Variants in RAPH1 observed in about 807,000 individuals in gnomAD.
The protein encoded by RAPH1 is ras-associated and pleckstrin homology domains-containing protein 1.
A neutral mutation model predicts 88.1 loss-of-function variants in RAPH1; 18 were observed. The observed-to-expected ratio is 0.20, with a 90% CI of 0.14 to 0.30. RAPH1 has a LOEUF of 0.30. Among genes scored for constraint, RAPH1 ranks in the 10% least tolerant of loss-of-function variants. The pLI, the probability that RAPH1 is intolerant of heterozygous loss-of-function variation, is 1.00. For synonymous variants in RAPH1, 587 were observed against 559.0 expected (o/e 1.05, Z -0.71); for missense variants, 1,448 against 1,543.2 (o/e 0.94, Z 1.03).
intron 7 of RAPH1, among the ~76,000 whole-genome samples, 158 bp from the exon 8 acceptor site, chr2:203,457,753 G>A (rs1297433948): frequency 6.6e-6 from 1 of 152,182 alleles, no homozygotes; most frequent in South Asian, 2.1e-4. Context: ...AATAAACTTT[G>A]AAAAGTTACC....
At chr2:203,523,336 T>C (rs1011665156) in intron 1 of RAPH1, among the ~76,000 whole-genome samples, 3 of 148,498 alleles carry the variant, frequency 2.0e-5, no homozygotes, top group Admixed American at 6.8e-5. Context: ...GAGCTTGCAG[T>C]GAGCTGAGAT....
intron 12 of RAPH1, 50 bp from the exon 13 acceptor site, chr2:203,445,060 A>C: frequency 6.5e-7 from 1 of 1,545,718 alleles, no homozygotes; most frequent in South Asian, 1.2e-5. Context: ...CAGTATTCTG[A>C]CAATATTCAT....
At chr2:203,466,434 T>C (rs965526007) in intron 4 of RAPH1, among the ~76,000 whole-genome samples, 4 of 152,230 alleles carry the variant, frequency 2.6e-5, no homozygotes, top group African/African-American at 7.2e-5. Context: ...TCATGGGGTG[T>C]TGTATAATAC....
chr2:203,500,919 A>G (rs1036695559), intron 1 of RAPH1, among the ~76,000 whole-genome samples: 4 of 152,182 alleles, frequency 2.6e-5, no homozygotes, highest in African/African-American at 9.6e-5. Flanking sequence ...GATAAATTTT[A>G]GTTCTTTATT....
intron 13 of RAPH1, chr2:203,441,980 G>A: frequency 1.3e-6 from 2 of 1,515,654 alleles, no homozygotes; most frequent in Middle Eastern, 1.8e-4. Context: ...GAATGAATAA[G>A]CTTGACACAC....
intron 1 of RAPH1, among the ~76,000 whole-genome samples, chr2:203,526,164 C>G (rs1399370884): frequency 6.6e-6 from 1 of 151,914 alleles, no homozygotes; most frequent in Non-Finnish European, 1.5e-5. Flanking sequence ...TGAAATAAGC[C>G]TATAATTTCG....
Position 203,440,234 on chromosome 2 carries a change from C to T in RAPH1, c.2956G>A (p.Gly986Ser), listed in dbSNP as rs2098502233. 6.2e-7 allele frequency: 1 copy of T among 1,613,868 alleles called. No individual in the cohort carries two copies. Among genetic ancestry groups the T allele is most frequent in the African/African-American group, 1.3e-5 (1 of 74,880 alleles). ...CTCTTGGGCTCGGGGTGCTCTGCAC[C>T]ACTGCTGGATTTAATGCTGGAGTTG... ...QRNSSIKSSSGAEHPEPKRPS... is the reference protein window; with the variant it reads ...QRNSSIKSSSSAEHPEPKRPS... The change falls in exon 14 of 14, where the codon GGT becomes AGT. Residue 986 changes from glycine (G) to serine (S), a missense_variant. Physicochemically the swap from Gly to Ser is moderately conservative, Grantham distance 56 (BLOSUM62 0). Coordinates refer to ENST00000319170, the MANE Select transcript of RAPH1 (RefSeq NM_213589.3).
intron 4 of RAPH1, among the ~76,000 whole-genome samples, chr2:203,463,962 A>G (rs1338603406): frequency 6.6e-6 from 1 of 152,206 alleles, no homozygotes; most frequent in Non-Finnish European, 1.5e-5. Flanking sequence ...TGAACAGAGC[A>G]CTACTTTATA....
intron 10 of RAPH1, among the ~76,000 whole-genome samples, chr2:203,449,796 G>A (rs1462830559): frequency 3.3e-5 from 5 of 152,078 alleles, no homozygotes; most frequent in East Asian, 3.9e-4. Context: ...AGGCCGAGGC[G>A]GGTGGATCAA....
intron 1 of RAPH1, among the ~76,000 whole-genome samples, chr2:203,515,399 C>T (rs1408188886): frequency 6.6e-6 from 1 of 152,166 alleles, no homozygotes; most frequent in African/African-American, 2.4e-5. Flanking sequence ...AATGGTCAGG[C>T]AGTGTCAAGT....
chr2:203,481,592 TATAC>T (rs1559475969), intron 4 of RAPH1, among the ~76,000 whole-genome samples: 2 of 129,360 alleles, frequency 1.5e-5, no homozygotes, highest in African/African-American at 5.9e-5. Context: ...TATATATATA[TATAC>T]ACATTTTTTT....
rs66832810 is a variant in RAPH1 at position 203,529,005 on chromosome 2, A to ATTTTTT, written c.-1+6100_-1+6105dup. Among the ~76,000 whole-genome samples the ATTTTTT allele has an allele frequency of 2.9e-4, 12 of 41,150 alleles. 1 individual carries two copies. The highest frequency in any genetic ancestry group is 0.023 in the Middle Eastern group (1 of 44). 27.0% of individuals were successfully genotyped at this position (41,150 alleles called of 152,430 possible). ...TATATATATATATATATATATATAT[A>ATTTTTT]TTTTTTTTTTTTTTTTTTTTTTTTT... On this transcript the variant is annotated intron_variant, in intron 1 of 13. Transcript: ENST00000319170.
At chr2:203,447,104 A>G (rs573982687) in intron 12 of RAPH1, 1 of 151,068 alleles carries the variant, frequency 6.6e-6, no homozygotes, top group African/African-American at 2.4e-5. Context: ...AAGATGCTCT[A>G]GGCTCATCTT....
intron 1 of RAPH1, among the ~76,000 whole-genome samples, chr2:203,528,795 T>C (rs1251701492): frequency 2.0e-5 from 3 of 151,850 alleles, no homozygotes; most frequent in East Asian, 3.9e-4. Context: ...GTAGGATCAC[T>C]GATTTCCTTT....
chr2:203,466,082 G>A (rs1283575591), intron 4 of RAPH1, among the ~76,000 whole-genome samples: 2 of 152,156 alleles, frequency 1.3e-5, no homozygotes, highest in Admixed American at 6.5e-5. Flanking sequence ...CTTACATAAA[G>A]TGGTCCATGT....
At chr2:203,514,540 C>T (rs1289018216) in intron 1 of RAPH1, among the ~76,000 whole-genome samples, 1 of 151,818 alleles carries the variant, frequency 6.6e-6, no homozygotes, top group East Asian at 1.9e-4. Flanking sequence ...GCATGTCGCA[C>T]ATCTAAAATT....
intron 1 of RAPH1, among the ~76,000 whole-genome samples, chr2:203,516,385 T>C (rs1469666917): frequency 2.0e-5 from 3 of 152,188 alleles, no homozygotes; most frequent in Non-Finnish European, 4.4e-5. Flanking sequence ...TGGTAATAAA[T>C]ATGGCAGATA....
At chr2:203,483,483 T>G (rs1036990172) in intron 4 of RAPH1, among the ~76,000 whole-genome samples, 1 of 152,194 alleles carries the variant, frequency 6.6e-6, no homozygotes, top group African/African-American at 2.4e-5. Context: ...TTATTTGAGA[T>G]AGAGAAGACA....
At chr2:203,451,842 T>A (rs1384533271) in intron 10 of RAPH1, among the ~76,000 whole-genome samples, 2 of 152,204 alleles carry the variant, frequency 1.3e-5, no homozygotes, top group Non-Finnish European at 2.9e-5. Context: ...TTTTATTCCC[T>A]TGTCAGTGAT....
Sources: allele counts gnomAD v4.1 joint callset (sites outside exome capture counted in the v4.1 genomes callset), GRCh38; gene constraint gnomAD v4.1.1; transcripts MANE v1.5; gene names NCBI Gene and HGNC (gene_info 2026-07-23, HGNC 2026-07-21).